The following LPP variants were observed in gnomAD, a reference collection of about 807,000 sequenced individuals.
LPP encodes the protein lipoma-preferred partner.
A neutral mutation model predicts 60.4 loss-of-function variants in LPP; 38 were observed. The observed-to-expected ratio is 0.63, with a 90% confidence interval of 0.49 to 0.83. The LOEUF is 0.83. Among genes scored for constraint, LPP ranks in the 40% least tolerant of loss-of-function variants. The pLI is 0.00. For missense variants in LPP, 902 were observed against 783.6 expected (o/e 1.15, Z -1.80); for synonymous variants, 328 against 290.8 (o/e 1.13, Z -1.30).
intron 7 of LPP, among the ~76,000 whole-genome samples, chr3:188,697,117 G>A (rs1416697707): frequency 1.3e-5 from 2 of 152,128 alleles, no homozygotes; most frequent in Non-Finnish European, 2.9e-5. Context: ...CCCTGCTGAG[G>A]CCCAAAAATT....
intron 10 of LPP, among the ~76,000 whole-genome samples, chr3:188,870,990 A>G (rs1182020929): frequency 6.6e-6 from 1 of 151,938 alleles, no homozygotes; most frequent in African/African-American, 2.4e-5. Flanking sequence ...TTTTTTCTGC[A>G]CCAGTCACAG....
chr3:188,346,251 CTTTTTTTTTT>C (rs1050679907), intron 3 of LPP, among the ~76,000 whole-genome samples: 54 of 88,340 alleles, frequency 6.1e-4, no homozygotes, highest in African/African-American at 2.6e-3. Flanking sequence ...AGTAGCAAAT[CTTTTTTTTTT>C]TTTTTTTTTT....
rs11330297 is a variant in LPP, at chr3:188,181,352, CAA to C, written c.-190+27117_-190+27118del. ...TGGGTGACAAAGTGAAATTCCGTCT[CAA>C]AAAAAAAAAAAAAAAAGAAGAAGAA... On this transcript the variant is annotated intron_variant, in intron 1 of 11. Transcript: ENST00000617246. Among the ~76,000 whole-genome samples the C allele has an allele frequency of 8.3e-3, 929 of 111,546 alleles. 9 individuals carry two copies. The highest frequency in any genetic ancestry group is 0.032 in the South Asian group (115 of 3,548). The allele number at this position is 111,546 out of a possible 152,430, so 73.2% of individuals were successfully genotyped here.
At chr3:188,703,526 A>G (rs898744513) in intron 7 of LPP, among the ~76,000 whole-genome samples, 1 of 152,198 alleles carries the variant, frequency 6.6e-6, no homozygotes, top group Non-Finnish European at 1.5e-5. Context: ...ACAGGTGTTA[A>G]GTATTCTGCA....
Position 188,887,775 on chromosome 3 carries a change from T to C in LPP, c.*13296T>C. ...TTAGGACCCTAGAAACTAAATCTTGTCACCAAGACTTTATAGTAAAGTAGT... is the reference window on the plus strand; with the variant it reads ...TTAGGACCCTAGAAACTAAATCTTGCCACCAAGACTTTATAGTAAAGTAGT... On this transcript the variant is annotated 3_prime_UTR_variant, in exon 12 of 12. Transcript: ENST00000617246. 3 of 209,612 alleles carry C rather than the reference T, an allele frequency of 1.4e-5. No homozygotes were observed. Among genetic ancestry groups the C allele is most frequent in the Non-Finnish European group, 2.9e-5 (3 of 103,024 alleles). The allele number at this position is 209,612 out of a possible 1,614,324, so 13.0% of individuals were successfully genotyped here.
chr3:188,793,231 G>A (rs1308873979), intron 9 of LPP, among the ~76,000 whole-genome samples: 1 of 149,430 alleles, frequency 6.7e-6, no homozygotes, highest in African/African-American at 2.5e-5. Flanking sequence ...CTCCCAGCCT[G>A]GAGTGCAGTG....
chr3:188,435,879 C>G (rs1333852199), intron 4 of LPP, among the ~76,000 whole-genome samples: 1 of 152,168 alleles, frequency 6.6e-6, no homozygotes, highest in Non-Finnish European at 1.5e-5. Flanking sequence ...TTCTCTACAG[C>G]TTTCCTGCTG....
chr3:188,636,540 G>T (rs1432070496), intron 7 of LPP, among the ~76,000 whole-genome samples: 4 of 152,142 alleles, frequency 2.6e-5, no homozygotes, highest in African/African-American at 7.2e-5. Context: ...AGCTCGAACT[G>T]GGGGGAGCCC....
chr3:188,692,153 C>A (rs1415004549), intron 7 of LPP, among the ~76,000 whole-genome samples: 1 of 152,150 alleles, frequency 6.6e-6, no homozygotes, highest in Non-Finnish European at 1.5e-5. Context: ...ATCACCACAG[C>A]CACGTTGATC....
At chr3:188,371,572 A>G (rs1364054150) in intron 3 of LPP, among the ~76,000 whole-genome samples, 2 of 135,794 alleles carry the variant, frequency 1.5e-5, no homozygotes, top group Non-Finnish European at 3.1e-5. Flanking sequence ...TTATGTAGTT[A>G]TAGTTGTGAT....
chr3:188,252,061 TATATATATATATATACAC>T (rs1729889792), intron 2 of LPP, among the ~76,000 whole-genome samples: 1 of 102,042 alleles, frequency 9.8e-6, no homozygotes, highest in African/African-American at 4.3e-5. Flanking sequence ...TATATATATA[TATATATATATATATACAC>T]ACACACACAC....
At chr3:188,515,156 G>T (rs1372196092) in intron 5 of LPP, among the ~76,000 whole-genome samples, 7 of 152,148 alleles carry the variant, frequency 4.6e-5, no homozygotes, top group African/African-American at 1.7e-4. Context: ...TTGAAGTGGG[G>T]CCTAATGGGA....
intron 3 of LPP, among the ~76,000 whole-genome samples, chr3:188,391,651 C>T (rs1236836640): frequency 6.6e-6 from 1 of 152,044 alleles, no homozygotes; most frequent in African/African-American, 2.4e-5. Context: ...ATTCCATTTT[C>T]TACAATCAAG....
At chr3:188,452,448 T>C (rs1796811618) in intron 4 of LPP, among the ~76,000 whole-genome samples, 2 of 152,206 alleles carry the variant, frequency 1.3e-5, no homozygotes, top group African/African-American at 4.8e-5. Context: ...GCTCATTCGA[T>C]ATTGTCAGCT....
chr3:188,471,922 G>A (rs1221996001), intron 4 of LPP, among the ~76,000 whole-genome samples: 1 of 152,126 alleles, frequency 6.6e-6, no homozygotes, highest in Non-Finnish European at 1.5e-5. Context: ...AGTGCTAGAT[G>A]GCTGTTGACA....
intron 5 of LPP, 32 bp downstream of exon 5, chr3:188,484,736 A>G (rs773836571): frequency 5.9e-5 from 89 of 1,511,524 alleles, no homozygotes; most frequent in Non-Finnish European, 7.7e-5. Context: ...ATGTTAGGTA[A>G]GAGCTGAAGT....
At chr3:188,224,771 A>G (rs73057634) in intron 1 of LPP, among the ~76,000 whole-genome samples, 2,682 of 152,204 alleles carry the variant, frequency 0.018, 76 homozygotes, top group African/African-American at 0.059. Context: ...TCATGAGAAC[A>G]CACTCGTGAT....
intron 3 of LPP, among the ~76,000 whole-genome samples, chr3:188,365,013 AT>A (rs1219627100): frequency 1.3e-5 from 2 of 152,204 alleles, no homozygotes; most frequent in Non-Finnish European, 2.9e-5. Context: ...TAGAAGAATC[AT>A]AGAGTTCTCT....
intron 8 of LPP, among the ~76,000 whole-genome samples, chr3:188,722,237 G>T (rs1355447835): frequency 6.6e-6 from 1 of 152,162 alleles, no homozygotes; most frequent in Non-Finnish European, 1.5e-5. Context: ...TAAGTGTTGG[G>T]TACACTAGCA....
Sources: gnomAD v4.1 joint callset for allele counts (sites outside exome capture counted in the v4.1 genomes callset) on GRCh38, gnomAD v4.1.1 for gene constraint, MANE v1.5 for transcripts, NCBI Gene and HGNC (gene_info 2026-07-23, HGNC 2026-07-21) for gene names.